CIT: variants seen among roughly 807,000 people sequenced by gnomAD.
CIT encodes the protein citron Rho-interacting kinase.
CIT carries 79 observed loss-of-function variants against 272.7 expected under a neutral mutation model. The observed-to-expected ratio is 0.29, with a 90% CI of 0.24 to 0.35. The LOEUF (loss-of-function observed/expected upper bound fraction) is 0.35, where lower values mean the gene tolerates loss of function less well. CIT is among the 10% of genes least tolerant of loss of function. The pLI is 1.00. For synonymous variants in CIT, 948 were observed against 995.6 expected (o/e 0.95, Z 0.90); for missense variants, 1,909 against 2,618.3 (o/e 0.73, Z 5.91).
rs1214514079 is a variant in CIT, at chr12:119,690,367, G to A, written c.5970C>T (p.Ser1990=). 6.3e-7 allele frequency: 1 copy of A among 1,597,974 alleles called. No homozygotes were observed. Among genetic ancestry groups the A allele is most frequent in the African/African-American group, 1.3e-5 (1 of 74,948 alleles). ...ASSPAPPEGP[S]HPREPSTPHR... ...GGGGTGTGCTTGGCTCTCGCGGGTG[G>A]CTGGGGCCTTCGGGCGGCGCTGGGC... Residue 1990 remains serine (S), a synonymous_variant, in exon 47 of 48, where the codon AGC becomes AGT. Transcript: ENST00000392521. The surrounding 1 kb of genome is among the most constrained non-coding windows in gnomAD (Gnocchi z 6.0).
In CIT at chr12:119,803,576, GCCA is replaced by G. The variant is rs770614921; in HGVS notation, c.1112-190_1112-188del. ...GATTAACCCCTTCTCTGCCAACATG[GCCA>G]CCAACCCGCAGACAGGCTGCCTTCC... On this transcript the variant is annotated intron_variant, in intron 9 of 47. Transcript: ENST00000392521. 3.6e-5 allele frequency: 16 copies of G among 445,796 alleles called. No individual in the cohort carries two copies. In the East Asian group the frequency reaches 5.6e-4, roughly 16 times the overall value. 27.6% of individuals were successfully genotyped at this position (445,796 alleles called of 1,614,324 possible).
chr12:119,798,103 A>T (rs1341602985), intron 10 of CIT, among the ~76,000 whole-genome samples: 3 of 152,162 alleles, frequency 2.0e-5, no homozygotes, highest in East Asian at 1.9e-4. Flanking sequence ...GCACACACAC[A>T]CCAGATAAGA....
intron 40 of CIT, 68 bp from the exon 41 acceptor site, chr12:119,704,523 A>G (rs1424319371): frequency 7.3e-7 from 1 of 1,377,136 alleles, no homozygotes; most frequent in East Asian, 2.3e-5. Context: ...CAAAACTAGG[A>G]AAAGCTCTCA....
intron 44 of CIT, among the ~76,000 whole-genome samples, chr12:119,698,642 A>G (rs1056253731): frequency 6.6e-6 from 1 of 152,118 alleles, no homozygotes; most frequent in Admixed American, 6.5e-5. Context: ...TGCAGCTGTA[A>G]ACATGCATGA....
intron 10 of CIT, 34 bp from the exon 11 acceptor site, chr12:119,785,099 GC>G (rs767486671): frequency 1.5e-5 from 24 of 1,608,524 alleles, no homozygotes; most frequent in Admixed American, 1.4e-4. Context: ...AAGGGGGCCT[GC>G]AGGTGGGCCT....
Position 119,712,185 on chromosome 12 carries a change from G to A in CIT, c.4847C>T (p.Ala1616Val), listed in dbSNP as rs55787506. Reference protein sequence around the residue: ...GGRVSREKAEADAKLLGNSLL... With the variant: ...GGRVSREKAEVDAKLLGNSLL... ...GCCCGCTTTCATACTCACAGCATCAGCTTCTGCTTTTTCCCTAGAAACTCT... is the reference window on the plus strand; with the variant it reads ...GCCCGCTTTCATACTCACAGCATCAACTTCTGCTTTTTCCCTAGAAACTCT... Residue 1616 changes from alanine (A) to valine (V), a missense_variant, in exon 37 of 48, where the codon GCT becomes GTT. Coordinates refer to ENST00000392521, the MANE Select transcript of CIT (RefSeq NM_001206999.2). The surrounding 1 kb of genome is among the most constrained non-coding windows in gnomAD (Gnocchi z 5.2). 1.6e-5 allele frequency: 26 copies of A among 1,597,940 alleles called. No homozygotes were observed. In the East Asian group the frequency reaches 5.6e-4, roughly 34 times the overall value.
intron 17 of CIT, among the ~76,000 whole-genome samples, chr12:119,771,303 A>G (rs1336183073): frequency 3.9e-5 from 6 of 152,196 alleles, no homozygotes; most frequent in Non-Finnish European, 1.5e-5. Flanking sequence ...GGCAGGAAAG[A>G]GGACTTTTAA....
Position 119,690,816 on chromosome 12 carries a change from G to T in CIT, c.5883-362C>A, listed in dbSNP as rs187434626. Among the ~76,000 whole-genome samples the T allele has an allele frequency of 3.3e-5, 5 of 152,310 alleles. No individual in the cohort carries two copies. The East Asian group carries it at 9.7e-4, about 29-fold the overall frequency. ...CCTCACTGTACAGGCAAGAAAATGG[G>T]GACAGACAGGAGTTAGGTGACTTGC... On this transcript the variant is annotated intron_variant, in intron 46 of 47. Transcript: ENST00000392521. The surrounding 1 kb of genome is among the most constrained non-coding windows in gnomAD (Gnocchi z 6.0).
chr12:119,853,719 A>C (rs1970384737), intron 4 of CIT, among the ~76,000 whole-genome samples: 1 of 152,122 alleles, frequency 6.6e-6, no homozygotes, highest in African/African-American at 2.4e-5. Context: ...AATTTACTGC[A>C]CCTGATATGC....
At chr12:119,693,239 T>C (rs1185596969) in intron 46 of CIT, among the ~76,000 whole-genome samples, 2 of 152,126 alleles carry the variant, frequency 1.3e-5, no homozygotes, top group African/African-American at 4.8e-5. Flanking sequence ...TTTTATGGTT[T>C]TTTGGCAAGG....
At chr12:119,755,409 T>C (rs1960815753) in intron 22 of CIT, among the ~76,000 whole-genome samples, 1 of 152,202 alleles carries the variant, frequency 6.6e-6, no homozygotes, top group Non-Finnish European at 1.5e-5. Flanking sequence ...TGCATAAACA[T>C]GAGTACTACC....
rs1957697762 is a variant in CIT at position 119,719,053 on chromosome 12, A to C, written c.3841-192T>G. 3 of 585,772 alleles carry C rather than the reference A, an allele frequency of 5.1e-6. No homozygotes were observed. In the East Asian group the frequency reaches 8.9e-5, roughly 17 times the overall value. 36.3% of individuals were successfully genotyped at this position (585,772 alleles called of 1,614,324 possible). On this transcript the variant is annotated intron_variant, in intron 30 of 47. Coordinates refer to ENST00000392521, the MANE Select transcript of CIT (RefSeq NM_001206999.2). ...ACAGCCCGTTCCAGCCGGCTGAAAAAAATAGGGGTGCGGAAGTTTTCACCA... is the reference window on the plus strand; with the variant it reads ...ACAGCCCGTTCCAGCCGGCTGAAAACAATAGGGGTGCGGAAGTTTTCACCA...
chr12:119,855,279 C>T (rs1411415766), intron 4 of CIT, among the ~76,000 whole-genome samples: 1 of 152,014 alleles, frequency 6.6e-6, no homozygotes, highest in South Asian at 2.1e-4. Flanking sequence ...AAAAATTAGC[C>T]GGGCATTGTG....
chr12:119,755,183 AAAAT>A (rs1368894840), intron 22 of CIT, among the ~76,000 whole-genome samples: 1 of 152,190 alleles, frequency 6.6e-6, no homozygotes, highest in Non-Finnish European at 1.5e-5. Context: ...TAATAAAAGA[AAAAT>A]AAATAAATAA....
rs182385242 is a variant in CIT at position 119,733,640 on chromosome 12, T to G, written c.3350+524A>C. On this transcript the variant is annotated intron_variant, in intron 26 of 47. Transcript: ENST00000392521. The stretch of plus-strand genomic sequence containing the variant: ...ATTGGGGGCAATGTCTAGAGACATA[T>G]TTGTTGTCACAACGTGGGAAGGGGG... Among the ~76,000 whole-genome samples, 10 of 152,192 alleles carry G rather than the reference T, an allele frequency of 6.6e-5. No homozygotes were observed. The East Asian group carries it at 1.7e-3, about 26-fold the overall frequency.
At chr12:119,747,037 A>G (rs1266652223) in intron 23 of CIT, among the ~76,000 whole-genome samples, 1 of 60,206 alleles carries the variant, frequency 1.7e-5, no homozygotes, top group Non-Finnish European at 3.9e-5. Flanking sequence ...TAGGTGCTAC[A>G]GAGAATAAAT....
chr12:119,822,802 G>A lies in CIT; in HGVS notation c.1111+18C>T. 6.2e-7 allele frequency: 1 copy of A among 1,613,074 alleles called. No individual in the cohort carries two copies. Among genetic ancestry groups the A allele is most frequent in the Non-Finnish European group, 8.5e-7 (1 of 1,179,692 alleles). ...CATAATCCCAACATCCCAAATTAAG[G>A]AAAACAGCCCTACTTACAGTTACGA... On this transcript the variant is annotated intron_variant, in intron 9 of 47. Coordinates refer to ENST00000392521, the MANE Select transcript of CIT (RefSeq NM_001206999.2).
chr12:119,761,537 G>A (rs967413504), intron 19 of CIT, among the ~76,000 whole-genome samples: 1 of 152,194 alleles, frequency 6.6e-6, no homozygotes, highest in Non-Finnish European at 1.5e-5. Context: ...GTGTGCAAGA[G>A]GGAGAGAAGC....
intron 8 of CIT, among the ~76,000 whole-genome samples, chr12:119,824,921 C>T (rs1968042612): frequency 1.3e-5 from 2 of 152,152 alleles, no homozygotes; most frequent in South Asian, 4.1e-4. Context: ...GCCTCAGCCT[C>T]CAGAGTAGCT....
Sources: allele counts gnomAD v4.1 joint callset (sites outside exome capture counted in the v4.1 genomes callset), GRCh38; gene constraint gnomAD v4.1.1; non-coding constraint Gnocchi (gnomAD v3.1); transcripts MANE v1.5; gene names NCBI Gene and HGNC (gene_info 2026-07-23, HGNC 2026-07-21).